Variants in KIF26B observed in about 807,000 individuals in gnomAD.
KIF26B encodes kinesin-like protein KIF26B.
KIF26B carries 63 observed loss-of-function variants against 151.2 expected under a neutral mutation model. The observed-to-expected ratio is 0.42, with a 90% confidence interval of 0.34 to 0.51. The LOEUF is 0.51. Among genes scored for constraint, KIF26B ranks in the 20% least tolerant of loss-of-function variants. The pLI, the probability that KIF26B is intolerant of heterozygous loss-of-function variation, is 0.07. For missense variants in KIF26B, 2,813 were observed against 2,913.6 expected, an observed-to-expected ratio of 0.97 and a Z score of 0.79; for synonymous variants, 1,357 against 1,262.1, an observed-to-expected ratio of 1.08 and a Z score of -1.59.
intron 4 of KIF26B, among the ~76,000 whole-genome samples, chr1:245,435,743 C>G (rs1386772012): frequency 6.6e-6 from 1 of 152,196 alleles, no homozygotes; most frequent in African/African-American, 2.4e-5. Context: ...AGTCTCTGCT[C>G]AGGACAGGAG....
intron 10 of KIF26B, among the ~76,000 whole-genome samples, chr1:245,673,472 G>A (rs900377169): frequency 4.6e-5 from 7 of 152,262 alleles, no homozygotes; most frequent in African/African-American, 1.7e-4. Flanking sequence ...TTGCTTAGGG[G>A]GCAGATAGAA....
chr1:245,391,257 A>C (rs1373201662), intron 3 of KIF26B, among the ~76,000 whole-genome samples: 1 of 152,204 alleles, frequency 6.6e-6, no homozygotes, highest in African/African-American at 2.4e-5. Context: ...CCAAAAGTTT[A>C]TTAATATATT....
At chr1:245,359,691 C>T (rs556089131) in intron 2 of KIF26B, among the ~76,000 whole-genome samples, 87 of 149,738 alleles carry the variant, frequency 5.8e-4, no homozygotes, top group African/African-American at 2.0e-3. Flanking sequence ...TTCCCTCCCT[C>T]CCTTCCCTCC....
intron 3 of KIF26B, among the ~76,000 whole-genome samples, chr1:245,382,729 C>T (rs777880961): frequency 2.3e-4 from 35 of 151,718 alleles, no homozygotes; most frequent in African/African-American, 5.8e-4. Flanking sequence ...CCACCACGCC[C>T]GGCTAATTTT....
chr1:245,155,788 T>C (rs11805982), intron 1 of KIF26B, among the ~76,000 whole-genome samples: 76,018 of 152,194 alleles, frequency 0.5, 20,327 homozygotes, highest in South Asian at 0.68. Flanking sequence ...CCATGAATGC[T>C]GGGCAGTACC....
At chr1:245,263,383 G>A (rs1670682434) in intron 2 of KIF26B, among the ~76,000 whole-genome samples, 1 of 152,190 alleles carries the variant, frequency 6.6e-6, no homozygotes, top group Non-Finnish European at 1.5e-5. Flanking sequence ...CTAGGTTTGG[G>A]TTCTTGGCAC....
At chr1:245,643,339 A>G (rs2043913497) in intron 9 of KIF26B, among the ~76,000 whole-genome samples, 1 of 151,980 alleles carries the variant, frequency 6.6e-6, no homozygotes, top group Non-Finnish European at 1.5e-5. Flanking sequence ...AATGGTTCCA[A>G]TTTCCATCTT....
intron 2 of KIF26B, among the ~76,000 whole-genome samples, chr1:245,347,588 G>T (rs1186238913): frequency 1.3e-5 from 2 of 152,128 alleles, no homozygotes; most frequent in African/African-American, 4.8e-5. Context: ...TAAACGGATA[G>T]CAGGCGTGAG....
chr1:245,479,964 A>G lies in KIF26B; in HGVS notation c.1166+60219A>G, dbSNP rs940622139. ...TCCACTTAAATAAGAAAAAACTTTCAAATAATTAAAGCTGCCCGGCCAGGT... is the reference window on the plus strand; with the variant it reads ...TCCACTTAAATAAGAAAAAACTTTCGAATAATTAAAGCTGCCCGGCCAGGT... On this transcript the variant is annotated intron_variant, in intron 4 of 14. Transcript: ENST00000407071. Among the ~76,000 whole-genome samples, 7 of 151,978 alleles carry G rather than the reference A, an allele frequency of 4.6e-5. No homozygotes were observed. In the South Asian group the frequency reaches 8.4e-4, roughly 18 times the overall value.
At chr1:245,448,152 A>C (rs1659289847) in intron 4 of KIF26B, among the ~76,000 whole-genome samples, 1 of 152,264 alleles carries the variant, frequency 6.6e-6, no homozygotes, top group Non-Finnish European at 1.5e-5. Context: ...CTTTGATCTT[A>C]GACTTCCCAG....
At chr1:245,296,480 C>T (rs573331897) in intron 2 of KIF26B, among the ~76,000 whole-genome samples, 40 of 152,204 alleles carry the variant, frequency 2.6e-4, no homozygotes, top group African/African-American at 8.4e-4. Flanking sequence ...CAGGTGCCAC[C>T]GGGCAGCTGC....
chr1:245,570,864 A>G (rs933739789), intron 5 of KIF26B, among the ~76,000 whole-genome samples: 1 of 152,152 alleles, frequency 6.6e-6, no homozygotes, highest in African/African-American at 2.4e-5. Context: ...CAGAATGAGG[A>G]TATATTGGTC....
chr1:245,334,580 C>T (rs1004076565), intron 2 of KIF26B, among the ~76,000 whole-genome samples: 3 of 152,188 alleles, frequency 2.0e-5, no homozygotes, highest in Non-Finnish European at 4.4e-5. Context: ...GAAGAGTGAC[C>T]TCCATCTGGG....
chr1:245,626,694 GTTGA>G (rs1050856913), intron 9 of KIF26B, among the ~76,000 whole-genome samples: 1 of 152,064 alleles, frequency 6.6e-6, no homozygotes, highest in African/African-American at 2.4e-5. Context: ...TCTTTGCTCT[GTTGA>G]TTGTTTCCTT....
At chr1:245,674,303 A>G (rs776225021) in intron 10 of KIF26B, among the ~76,000 whole-genome samples, 1 of 152,206 alleles carries the variant, frequency 6.6e-6, no homozygotes, top group Non-Finnish European at 1.5e-5. Context: ...AAAAAAATTT[A>G]AAAGGAAGTG....
chr1:245,542,021 A>G (rs1249753843), intron 5 of KIF26B, among the ~76,000 whole-genome samples: 5 of 152,122 alleles, frequency 3.3e-5, no homozygotes, highest in African/African-American at 1.2e-4. Flanking sequence ...TATTAACTTC[A>G]TGTGGTACTT....
intron 2 of KIF26B, among the ~76,000 whole-genome samples, chr1:245,182,726 C>T (rs550073132): frequency 6.6e-6 from 1 of 152,156 alleles, no homozygotes. Context: ...ACCTCCACCT[C>T]CTGGGTTCAA....
chr1:245,370,622 C>G, intron 3 of KIF26B: 1 of 456,682 alleles, frequency 2.2e-6, no homozygotes, highest in South Asian at 1.5e-5. Flanking sequence ...TTAGAAGACT[C>G]GGCGGCTGCG....
chr1:245,198,538 A>G (rs898201532), intron 2 of KIF26B, among the ~76,000 whole-genome samples: 18 of 152,284 alleles, frequency 1.2e-4, no homozygotes, highest in Middle Eastern at 6.8e-3. Context: ...CCTGGCCAAC[A>G]TGGCAAAACC....
Sources: gnomAD v4.1 joint callset for allele counts (sites outside exome capture counted in the v4.1 genomes callset) on GRCh38, gnomAD v4.1.1 for gene constraint, MANE v1.5 for transcripts, NCBI Gene and HGNC (gene_info 2026-07-23, HGNC 2026-07-21) for gene names.